Variants in HECA observed in about 807,000 individuals in gnomAD.
The protein encoded by HECA is headcase protein homolog.
Under a neutral mutation model 37.6 loss-of-function variants are expected in HECA, and 13 were observed. The observed-to-expected ratio is 0.35, with a 90% confidence interval of 0.23 to 0.55. HECA has a LOEUF of 0.55. Among genes scored for constraint, HECA ranks in the 20% least tolerant of loss-of-function variants. HECA has a pLI of 0.90. For synonymous variants in HECA, 307 were observed against 291.5 expected (o/e 1.05, Z -0.54); for missense variants, 527 against 701.9 (o/e 0.75, Z 2.82).
intron 1 of HECA, among the ~76,000 whole-genome samples, chr6:139,154,822 T>G (rs1054778464): frequency 6.6e-6 from 1 of 152,240 alleles, no homozygotes; most frequent in Non-Finnish European, 1.5e-5. Flanking sequence ...TAAAGAGGTT[T>G]GAGTATTGCC....
intron 1 of HECA, among the ~76,000 whole-genome samples, chr6:139,137,989 T>C (rs558393030): frequency 6.6e-6 from 1 of 152,322 alleles, no homozygotes; most frequent in East Asian, 1.9e-4. Flanking sequence ...TGCCTGATTC[T>C]TGTTTCTGAA....
At chr6:139,164,115 A>G (rs1297461309) in intron 1 of HECA, among the ~76,000 whole-genome samples, 1 of 150,556 alleles carries the variant, frequency 6.6e-6, no homozygotes, top group African/African-American at 2.5e-5. Context: ...ATCTTCTCAC[A>G]CTGCTCCTGA....
At chr6:139,170,349 G>C (rs1005392648) in intron 2 of HECA, 2 of 152,158 alleles carry the variant, frequency 1.3e-5, no homozygotes, top group East Asian at 3.8e-4. Flanking sequence ...AGGATAAGAT[G>C]CTTTTATAAA....
Position 139,176,169 on chromosome 6 carries a change from C to T in HECA, c.1468-772C>T, listed in dbSNP as rs1348273243. Among the ~76,000 whole-genome samples the T allele has an allele frequency of 6.6e-6, 1 of 152,202 alleles. No individual in the cohort carries two copies. The highest frequency in any genetic ancestry group is 6.5e-5 in the Admixed American group (1 of 15,288). ...AGTTCCTGCAGTGGCTGAGGATCAGCAGGCTGCTTTGGTTCACTCCAGCCT... is the reference window on the plus strand; with the variant it reads ...AGTTCCTGCAGTGGCTGAGGATCAGTAGGCTGCTTTGGTTCACTCCAGCCT... On this transcript the variant is annotated intron_variant, in intron 3 of 3. Transcript: ENST00000367658. This position sits in a 1 kb window ranked among gnomAD's most constrained non-coding sequence, Gnocchi z 4.5.
intron 2 of HECA, among the ~76,000 whole-genome samples, chr6:139,172,064 C>G (rs1322277333): frequency 1.3e-5 from 2 of 152,176 alleles, no homozygotes; most frequent in Non-Finnish European, 2.9e-5. Flanking sequence ...CTCCTAACCT[C>G]TGGTGATCTA....
At chr6:139,164,304 A>G (rs1017015118) in intron 1 of HECA, among the ~76,000 whole-genome samples, 1 of 151,830 alleles carries the variant, frequency 6.6e-6, no homozygotes, top group African/African-American at 2.4e-5. Context: ...GACCAAGCCC[A>G]GTGGTTCCCA....
chr6:139,174,549 G>T lies in HECA; in HGVS notation c.1467+10G>T. Reference sequence around the variant, plus strand: ...CTCTCCATGTTGTCAGGTAGGTACTGAACACACTGAGGGAGCAGTGGGTGA... The same window carrying T: ...CTCTCCATGTTGTCAGGTAGGTACTTAACACACTGAGGGAGCAGTGGGTGA... On this transcript the variant is annotated intron_variant, in intron 3 of 3. Transcript: ENST00000367658. 6.2e-7 allele frequency: 1 copy of T among 1,613,108 alleles called. No homozygotes were observed. Among genetic ancestry groups the T allele is most frequent in the South Asian group, 1.1e-5 (1 of 90,922 alleles).
intron 1 of HECA, among the ~76,000 whole-genome samples, chr6:139,151,467 GTTTC>G (rs138499925): frequency 0.67 from 101,216 of 151,494 alleles, 34,781 homozygotes; most frequent in African/African-American, 0.79. Context: ...CTGAACTTCT[GTTTC>G]TTCCGGCCGT....
intron 2 of HECA, among the ~76,000 whole-genome samples, chr6:139,169,392 C>T (rs1006448304): frequency 6.6e-6 from 1 of 152,086 alleles, no homozygotes; most frequent in African/African-American, 2.4e-5. Flanking sequence ...TCTGTTCTTA[C>T]ATTTTTAATT....
At chr6:139,145,244 A>T (rs574598146) in intron 1 of HECA, among the ~76,000 whole-genome samples, 1 of 152,370 alleles carries the variant, frequency 6.6e-6, no homozygotes, top group African/African-American at 2.4e-5. Flanking sequence ...GCTTTATTTA[A>T]TCAACAGGAT....
intron 1 of HECA, among the ~76,000 whole-genome samples, chr6:139,137,745 G>A (rs564232857): frequency 6.6e-6 from 1 of 150,604 alleles, no homozygotes; most frequent in African/African-American, 2.4e-5. Flanking sequence ...TTTTTCTTAG[G>A]CTACTTGTAC....
At chr6:139,161,031 A>ATG (rs1448451286) in intron 1 of HECA, among the ~76,000 whole-genome samples, 11 of 151,988 alleles carry the variant, frequency 7.2e-5, no homozygotes, top group Admixed American at 3.9e-4. Context: ...AGTTTGGACA[A>ATG]TGTGTGTGTG....
chr6:139,138,788 T>G (rs1446972241), intron 1 of HECA, among the ~76,000 whole-genome samples: 1 of 152,240 alleles, frequency 6.6e-6, no homozygotes, highest in Non-Finnish European at 1.5e-5. Context: ...TATTAGATAC[T>G]AATTTTAAGA....
Position 139,135,378 on chromosome 6 carries a change from C to A in HECA, c.-19C>A, listed in dbSNP as rs760306191. ...GCCTTCGCTGACGCCGGGCACCTAC[C>A]TGGACGCGAGCGAGCGAGATGCCCA... On this transcript the variant is annotated 5_prime_UTR_variant, in exon 1 of 4. It adds an upstream start codon to the 5' untranslated region. Transcript: ENST00000367658. 2.2e-6 allele frequency: 3 copies of A among 1,354,918 alleles called. No homozygotes were observed. The highest frequency in any genetic ancestry group is 5.3e-5 in the Admixed American group (2 of 37,806). The allele number at this position is 1,354,918 out of a possible 1,614,324, so 83.9% of individuals were successfully genotyped here. A position where few individuals can be genotyped will look rare whatever the true frequency, so the allele number is the denominator to read the frequency against.
At chr6:139,164,633 A>T (rs142670481) in intron 1 of HECA, among the ~76,000 whole-genome samples, 1 of 152,302 alleles carries the variant, frequency 6.6e-6, no homozygotes, top group East Asian at 1.9e-4. Context: ...ACTGCATGGT[A>T]TAAAATCCTA....
At chr6:139,142,719 G>A (rs571466110) in intron 1 of HECA, among the ~76,000 whole-genome samples, 1 of 152,234 alleles carries the variant, frequency 6.6e-6, no homozygotes, top group South Asian at 2.1e-4. Flanking sequence ...AGGCCGAGAC[G>A]GGCGGATCAT....
At chr6:139,167,483 G>A (rs780896423) in intron 2 of HECA, among the ~76,000 whole-genome samples, 159 bp downstream of exon 2, 2 of 152,274 alleles carry the variant, frequency 1.3e-5, no homozygotes, top group African/African-American at 2.4e-5. Flanking sequence ...GCCCAGTGAC[G>A]CGGTGATTTT....
At chr6:139,151,353 C>A (rs934079711) in intron 1 of HECA, 1 of 152,160 alleles carries the variant, frequency 6.6e-6, no homozygotes, top group African/African-American at 2.4e-5. Flanking sequence ...TTAGCTACAT[C>A]GTGCTGAGAT....
chr6:139,163,738 TCTC>T (rs749138607), intron 1 of HECA, among the ~76,000 whole-genome samples: 45 of 152,296 alleles, frequency 3.0e-4, no homozygotes, highest in African/African-American at 1.1e-3. Context: ...AGGGGAATCT[TCTC>T]CTCCAGCCTT....
Sources: gnomAD v4.1 joint callset for allele counts (sites outside exome capture counted in the v4.1 genomes callset) on GRCh38, gnomAD v4.1.1 for gene constraint, Gnocchi (gnomAD v3.1) non-coding constraint, MANE v1.5 for transcripts, NCBI Gene and HGNC (gene_info 2026-07-23, HGNC 2026-07-21) for gene names.